MAGI2: variants seen among roughly 807,000 people sequenced by gnomAD.
MAGI2 encodes the protein membrane associated guanylate kinase, WW and PDZ domain containing 2.
A neutral mutation model predicts 133.3 loss-of-function variants in MAGI2; 35 were observed. That is an observed-to-expected ratio of 0.26 (90% confidence interval 0.20 to 0.35). MAGI2 has a LOEUF of 0.35. Among genes scored for constraint, MAGI2 ranks in the 10% least tolerant of loss-of-function variants. MAGI2 has a pLI of 1.00. For synonymous variants in MAGI2, 729 were observed against 710.6 expected (o/e 1.03, Z -0.41); for missense variants, 1,636 against 1,863.4 (o/e 0.88, Z 2.25).
intron 10 of MAGI2, chr7:78,252,824 C>T (rs187426459): frequency 1.4e-4 from 21 of 151,878 alleles, no homozygotes; most frequent in Admixed American, 9.2e-4. Context: ...GCCTGTAATC[C>T]CAGCTACTCA....
chr7:78,113,383 T>G (rs1563137954), intron 20 of MAGI2, among the ~76,000 whole-genome samples: 1 of 152,160 alleles, frequency 6.6e-6, no homozygotes. Flanking sequence ...ACATACTTAC[T>G]TAAAAGATGC....
chr7:79,202,830 T>A (rs1390885331), intron 1 of MAGI2, among the ~76,000 whole-genome samples: 3 of 152,046 alleles, frequency 2.0e-5, no homozygotes, highest in African/African-American at 7.3e-5. Flanking sequence ...TCCAGGTTCA[T>A]ATCTTTAGAA....
At chr7:79,186,890 C>A (rs1827224233) in intron 1 of MAGI2, among the ~76,000 whole-genome samples, 1 of 149,948 alleles carries the variant, frequency 6.7e-6, no homozygotes, top group South Asian at 2.1e-4. Flanking sequence ...ACATTAAACA[C>A]CTAAATATTT....
At chr7:78,568,216 T>C (rs948356242) in intron 3 of MAGI2, 1 of 152,216 alleles carries the variant, frequency 6.6e-6, no homozygotes, top group African/African-American at 2.4e-5. Flanking sequence ...CACTTCTCTA[T>C]CTATACTCAT....
At chr7:79,296,412 T>C (rs1223112138) in intron 1 of MAGI2, among the ~76,000 whole-genome samples, 2 of 152,166 alleles carry the variant, frequency 1.3e-5, no homozygotes, top group Non-Finnish European at 2.9e-5. Flanking sequence ...CTATTCATAA[T>C]AGCCAAGGAC....
At chr7:79,426,856 T>C (rs1585939983) in intron 1 of MAGI2, among the ~76,000 whole-genome samples, 1 of 152,286 alleles carries the variant, frequency 6.6e-6, no homozygotes, top group African/African-American at 2.4e-5. Context: ...ACTGCCTTCC[T>C]ACCTTTGCCC....
At chr7:79,094,366 G>T (rs892370837) in intron 1 of MAGI2, among the ~76,000 whole-genome samples, 6 of 152,086 alleles carry the variant, frequency 3.9e-5, no homozygotes, top group African/African-American at 1.4e-4. Flanking sequence ...TAGTTATTTT[G>T]CTATTTCTAC....
chr7:79,438,877 T>C (rs1848318151), intron 1 of MAGI2, among the ~76,000 whole-genome samples: 1 of 152,134 alleles, frequency 6.6e-6, no homozygotes, highest in Non-Finnish European at 1.5e-5. Flanking sequence ...AACCACTTTA[T>C]GTTTCTCCTT....
intron 2 of MAGI2, among the ~76,000 whole-genome samples, chr7:78,728,087 A>G (rs886360686): frequency 6.6e-6 from 1 of 152,166 alleles, no homozygotes; most frequent in African/African-American, 2.4e-5. Flanking sequence ...ATAACTAGAT[A>G]CTATCTTATT....
At chr7:78,564,966 TG>T (rs1800796784) in intron 3 of MAGI2, among the ~76,000 whole-genome samples, 1 of 151,510 alleles carries the variant, frequency 6.6e-6, no homozygotes, top group Non-Finnish European at 1.5e-5. Context: ...GCTAATTTTT[TG>T]TGTTTTTAGT....
chr7:78,929,770 C>T (rs1328549744), intron 2 of MAGI2, among the ~76,000 whole-genome samples: 1 of 152,030 alleles, frequency 6.6e-6, no homozygotes. Flanking sequence ...CTGCAATTCT[C>T]TTTTTGCCAC....
At chr7:78,172,246 T>C (rs1826186500) in intron 14 of MAGI2, among the ~76,000 whole-genome samples, 1 of 152,336 alleles carries the variant, frequency 6.6e-6, no homozygotes, top group South Asian at 2.1e-4. Context: ...CATTCTTTCC[T>C]GCACTGCCCG....
intron 1 of MAGI2, among the ~76,000 whole-genome samples, chr7:79,162,273 T>C (rs903362724): frequency 1.3e-5 from 2 of 152,076 alleles, no homozygotes; most frequent in Admixed American, 1.3e-4. Context: ...AAATTACTCT[T>C]AAAATTGTCA....
intron 7 of MAGI2, chr7:78,358,206 T>C (rs1405708048): frequency 9.1e-5 from 3 of 32,982 alleles, no homozygotes; most frequent in Non-Finnish European, 1.7e-4. Flanking sequence ...AATATATATA[T>C]ATATATATAT....
At chr7:79,113,811 T>TACACACACACACACAC (rs3047688) in intron 1 of MAGI2, among the ~76,000 whole-genome samples, 4 of 148,876 alleles carry the variant, frequency 2.7e-5, no homozygotes, top group African/African-American at 7.4e-5. Context: ...TACACACGCT[T>TACACACACACACACAC]ACACACACAC....
At chr7:78,219,666 C>A (rs541667142) in intron 10 of MAGI2, among the ~76,000 whole-genome samples, 2 of 152,336 alleles carry the variant, frequency 1.3e-5, no homozygotes, top group East Asian at 3.9e-4. Context: ...TCTTCCCCCA[C>A]AACTTGCCCT....
chr7:78,535,919 C>T (rs916729633), intron 3 of MAGI2, among the ~76,000 whole-genome samples: 2 of 148,008 alleles, frequency 1.4e-5, no homozygotes, highest in African/African-American at 2.5e-5. Context: ...ACTGACTCAG[C>T]ACAAGAGGAC....
At chr7:79,301,420 G>T (rs1837388954) in intron 1 of MAGI2, among the ~76,000 whole-genome samples, 1 of 152,242 alleles carries the variant, frequency 6.6e-6, no homozygotes, top group Admixed American at 6.5e-5. Context: ...CTATTTTGGA[G>T]CTTGAAGATT....
At chr7:79,213,056 A>T (rs1160677769) in intron 1 of MAGI2, among the ~76,000 whole-genome samples, 1 of 151,974 alleles carries the variant, frequency 6.6e-6, no homozygotes, top group African/African-American at 2.4e-5. Context: ...GAATAGCGGT[A>T]GTGAGGGCGG....
Sources: allele counts gnomAD v4.1 joint callset (sites outside exome capture counted in the v4.1 genomes callset), GRCh38; gene constraint gnomAD v4.1.1; transcripts MANE v1.5; gene names NCBI Gene and HGNC (gene_info 2026-07-23, HGNC 2026-07-21).